Variants in TCF4 observed in about 807,000 individuals in gnomAD.
The protein encoded by TCF4 is transcription factor 4, also known as SL3-3 enhancer factor 2.
TCF4 carries 3 observed loss-of-function variants against 82.1 expected under a neutral mutation model. The ratio of observed to expected loss-of-function variants is 0.04; its 90% confidence interval spans 0.02 to 0.09. TCF4 has a LOEUF of 0.09. Ranked by LOEUF, TCF4 falls within the 10% of genes least tolerant of loss-of-function variation. TCF4 has a pLI of 1.00. For missense variants in TCF4, 518 were observed against 852.7 expected (o/e 0.61, Z 4.89); for synonymous variants, 276 against 309.6 (o/e 0.89, Z 1.14).
intron 6 of TCF4, among the ~76,000 whole-genome samples, chr18:55,391,660 C>T (rs1335327362): frequency 2.0e-5 from 3 of 151,880 alleles, no homozygotes; most frequent in Non-Finnish European, 2.9e-5. Context: ...CTGCCAGGCG[C>T]GGTGGTTCAT....
intron 6 of TCF4, among the ~76,000 whole-genome samples, chr18:55,393,390 A>G (rs535312139): frequency 2.0e-5 from 3 of 152,286 alleles, no homozygotes; most frequent in African/African-American, 7.2e-5. Context: ...GTAAGTGTTA[A>G]GTTATTTAAT....
rs114918657 is a variant in TCF4, at chr18:55,387,481, C to T, written c.369+15973G>A. Among the ~76,000 whole-genome samples the T allele has an allele frequency of 2.9e-3, 442 of 152,330 alleles. 5 individuals carry two copies. The highest frequency in any genetic ancestry group is 0.01 in the African/African-American group (428 of 41,566). ...AAATATTCTGGAATGGCTAGAGGCT[C>T]AGACATATTAATGATATCTGCACAC... On this transcript the variant is annotated intron_variant, in intron 6 of 19. Transcript: ENST00000354452.
At position 55,464,661 on chromosome 18, in the gene TCF4, C is replaced by T. The variant is rs535216136; in HGVS notation, c.146-524G>A. 2.0e-5 allele frequency among the ~76,000 whole-genome samples: 3 copies of T among 152,066 alleles called. No homozygotes were observed. In the East Asian group the frequency reaches 5.8e-4, roughly 29 times the overall value. Reference sequence around the variant, plus strand: ...GTAGTCTATTTCCACCAGCACATTACAGGGATATTAGGACTGAAACAAAAC... The same window carrying T: ...GTAGTCTATTTCCACCAGCACATTATAGGGATATTAGGACTGAAACAAAAC... On this transcript the variant is annotated intron_variant, in intron 3 of 19. Coordinates refer to ENST00000354452, the MANE Select transcript of TCF4 (RefSeq NM_001083962.2).
intron 8 of TCF4, among the ~76,000 whole-genome samples, chr18:55,343,076 T>C (rs2080354175): frequency 6.6e-6 from 1 of 152,116 alleles, no homozygotes; most frequent in South Asian, 2.1e-4. Context: ...AAGTAGCATT[T>C]TCCTAAAATC....
chr18:55,272,905 G>T (rs146016468), intron 10 of TCF4, among the ~76,000 whole-genome samples: 3,177 of 152,140 alleles, frequency 0.021, 60 homozygotes, highest in Non-Finnish European at 0.033. Flanking sequence ...AAAGAAAACA[G>T]AACTTCCTTT....
chr18:55,584,791 GC>G (rs1215860569), intron 3 of TCF4, among the ~76,000 whole-genome samples: 1 of 152,092 alleles, frequency 6.6e-6, no homozygotes, highest in Non-Finnish European at 1.5e-5. Flanking sequence ...TCTAAGATTA[GC>G]AAGAGGCTAT....
chr18:55,553,198 A>T (rs2097274986), intron 3 of TCF4: 2 of 152,238 alleles, frequency 1.3e-5, no homozygotes, highest in Admixed American at 1.3e-4. Flanking sequence ...AAAATATATC[A>T]TATATACATA....
intron 8 of TCF4, among the ~76,000 whole-genome samples, chr18:55,299,398 C>T (rs975537498): frequency 2.5e-4 from 37 of 149,140 alleles, no homozygotes; most frequent in African/African-American, 1.7e-4. Context: ...GGCAACAGAG[C>T]GAGACTCCAT....
intron 5 of TCF4, among the ~76,000 whole-genome samples, chr18:55,423,120 A>T (rs1191524784): frequency 6.6e-6 from 1 of 152,016 alleles, no homozygotes; most frequent in Non-Finnish European, 1.5e-5. Flanking sequence ...TTTGCCTTAA[A>T]ATTATTTTGT....
chr18:55,519,504 C>G (rs2096915745), intron 3 of TCF4, among the ~76,000 whole-genome samples: 1 of 151,880 alleles, frequency 6.6e-6, no homozygotes, highest in Non-Finnish European at 1.5e-5. Context: ...TCCCCATTTC[C>G]TCAGCTGTCA....
At chr18:55,571,684 A>G (rs2097470218) in intron 3 of TCF4, among the ~76,000 whole-genome samples, 1 of 152,040 alleles carries the variant, frequency 6.6e-6, no homozygotes, top group Admixed American at 6.6e-5. Flanking sequence ...CTTGCTAGGA[A>G]GGAAGTCAAG....
At chr18:55,432,935 C>T (rs189776735) in intron 5 of TCF4, among the ~76,000 whole-genome samples, 3 of 152,258 alleles carry the variant, frequency 2.0e-5, no homozygotes, top group African/African-American at 7.2e-5. Flanking sequence ...ACAATATTTT[C>T]CCTTGATTTT....
rs1158465329 is a variant in TCF4 at position 55,254,805 on chromosome 18, CAT to C, written c.1147-107_1147-106del. ...AAAAAACACACTGTGTTTCTAAATA[CAT>C]GTTTCCAATAAAATGTATTTCCTTA... On this transcript the variant is annotated intron_variant, in intron 14 of 19. Transcript: ENST00000354452. 19 of 1,010,080 alleles carry C rather than the reference CAT, an allele frequency of 1.9e-5. No individual in the cohort carries two copies. In the East Asian group the frequency reaches 2.3e-4, roughly 12 times the overall value. 62.6% of individuals were successfully genotyped at this position (1,010,080 alleles called of 1,614,324 possible).
intron 5 of TCF4, among the ~76,000 whole-genome samples, chr18:55,411,199 A>C (rs1441281556): frequency 6.6e-6 from 1 of 152,212 alleles, no homozygotes; most frequent in Non-Finnish European, 1.5e-5. Context: ...TTTCTGAATC[A>C]GCAATTTGTA....
At chr18:55,606,814 T>C (rs1343955458) in intron 2 of TCF4, among the ~76,000 whole-genome samples, 1 of 152,256 alleles carries the variant, frequency 6.6e-6, no homozygotes, top group Non-Finnish European at 1.5e-5. Context: ...TCTATTGTAA[T>C]GATTATATTA....
intron 8 of TCF4, among the ~76,000 whole-genome samples, chr18:55,311,470 C>G (rs1427697006): frequency 6.6e-6 from 1 of 152,182 alleles, no homozygotes. Flanking sequence ...GCCGTATGTC[C>G]CCTGGGGAAC....
intron 8 of TCF4, among the ~76,000 whole-genome samples, chr18:55,326,975 C>T (rs931317360): frequency 3.3e-5 from 5 of 152,092 alleles, no homozygotes; most frequent in Non-Finnish European, 7.4e-5. Flanking sequence ...GATCTAATTA[C>T]TAACAGGAGG....
chr18:55,535,371 G>T (rs1051991775), intron 3 of TCF4, among the ~76,000 whole-genome samples: 15 of 152,082 alleles, frequency 9.9e-5, no homozygotes, highest in African/African-American at 3.4e-4. Flanking sequence ...GCACTAAAAT[G>T]AGAAAAAAAC....
At chr18:55,236,467 T>C (rs1787255) in intron 15 of TCF4, among the ~76,000 whole-genome samples, 1 of 150,188 alleles carries the variant, frequency 6.7e-6, no homozygotes, top group African/African-American at 2.5e-5. Flanking sequence ...TTTTTTTTTT[T>C]AAACATATTC....
Sources: allele counts gnomAD v4.1 joint callset (sites outside exome capture counted in the v4.1 genomes callset), GRCh38; gene constraint gnomAD v4.1.1; transcripts MANE v1.5; gene names NCBI Gene and HGNC (gene_info 2026-07-23, HGNC 2026-07-21).